PARD3: variants seen among roughly 807,000 people sequenced by gnomAD.
The protein encoded by PARD3 is partitioning defective 3 homolog.
PARD3 carries 75 observed loss-of-function variants against 155.4 expected under a neutral mutation model. That is an observed-to-expected ratio of 0.48 (90% CI 0.40 to 0.58). The LOEUF (loss-of-function observed/expected upper bound fraction) is 0.58. Among genes scored for constraint, PARD3 ranks in the 20% least tolerant of loss-of-function variants. PARD3 has a pLI of 0.00. For synonymous variants in PARD3, 576 were observed against 610.5 expected, an observed-to-expected ratio of 0.94 and a Z score of 0.83; for missense variants, 1,642 against 1,721.7, an observed-to-expected ratio of 0.95 and a Z score of 0.82.
chr10:34,430,087 T>C (rs1307733211), intron 5 of PARD3, among the ~76,000 whole-genome samples: 1 of 152,244 alleles, frequency 6.6e-6, no homozygotes, highest in Non-Finnish European at 1.5e-5. Context: ...TACTTCTTAG[T>C]AAGATATTAA....
At chr10:34,626,589 ATATAT>A (rs1354139463) in intron 2 of PARD3, among the ~76,000 whole-genome samples, 1 of 152,240 alleles carries the variant, frequency 6.6e-6, no homozygotes, top group Non-Finnish European at 1.5e-5. Flanking sequence ...CTCACAGGGC[ATATAT>A]TATATCTGTT....
intron 2 of PARD3, among the ~76,000 whole-genome samples, chr10:34,600,962 ATTTTTTTTTTTTT>A (rs1028271994): frequency 2.2e-5 from 2 of 90,066 alleles, no homozygotes; most frequent in Non-Finnish European, 4.1e-5. Flanking sequence ...CATTTTTTTA[ATTTTTTTTTTTTT>A]TTTTTTTTTT....
intron 24 of PARD3, among the ~76,000 whole-genome samples, chr10:34,114,012 T>C (rs1033876528): frequency 6.6e-6 from 1 of 152,140 alleles, no homozygotes; most frequent in Non-Finnish European, 1.5e-5. Context: ...ATCTCAGAAC[T>C]TTAGGAGGAT....
chr10:34,571,661 A>C (rs1418984312), intron 2 of PARD3, among the ~76,000 whole-genome samples: 1 of 152,254 alleles, frequency 6.6e-6, no homozygotes, highest in East Asian at 1.9e-4. Context: ...ATTATAAACC[A>C]AAGAACAGAT....
rs551189814 is a variant in PARD3 at position 34,765,048 on chromosome 10, A to G, written c.120+49828T>C. On this transcript the variant is annotated intron_variant, in intron 1 of 24. Coordinates refer to ENST00000374788, the MANE Select transcript of PARD3 (RefSeq NM_001184785.2). The stretch of plus-strand genomic sequence containing the variant: ...TATTTGCCAACTATTAGACTTTAGC[A>G]TCCTCCCTTCCTTTTGGTATACGAG... 5.9e-5 allele frequency among the ~76,000 whole-genome samples: 9 copies of G among 152,308 alleles called. No homozygotes were observed. In the South Asian group the frequency reaches 1.9e-3, roughly 32 times the overall value.
intron 10 of PARD3, among the ~76,000 whole-genome samples, chr10:34,376,495 G>A (rs991661774): frequency 3.3e-5 from 5 of 152,152 alleles, no homozygotes; most frequent in East Asian, 3.9e-4. Flanking sequence ...AACAAGCTAC[G>A]ACTGCAGACG....
Position 34,266,415 on chromosome 10 carries a change from A to T in PARD3, c.3419+3242T>A, listed in dbSNP as rs1461935910. On this transcript the variant is annotated intron_variant, in intron 22 of 24. Coordinates refer to ENST00000374788, the MANE Select transcript of PARD3 (RefSeq NM_001184785.2). ...CCAACTTTTTGGATTAGTAACATCA[A>T]TCTTTGTTTAATGGACATCTTATTC... Among the ~76,000 whole-genome samples, 3 of 152,324 alleles carry T rather than the reference A, an allele frequency of 2.0e-5. No individual in the cohort carries two copies. The East Asian group carries it at 5.8e-4, about 29-fold the overall frequency.
intron 2 of PARD3, among the ~76,000 whole-genome samples, chr10:34,606,520 G>C (rs1205366599): frequency 6.6e-6 from 1 of 151,722 alleles, no homozygotes; most frequent in Non-Finnish European, 1.5e-5. Context: ...TGGAGCATCA[G>C]CCTGGCATAG....
chr10:34,697,417 G>C (rs1205844759), intron 1 of PARD3, among the ~76,000 whole-genome samples: 1 of 152,174 alleles, frequency 6.6e-6, no homozygotes, highest in Non-Finnish European at 1.5e-5. Flanking sequence ...AATGATTAAT[G>C]AAGAGTTAAA....
intron 5 of PARD3, 43 bp downstream of exon 5, chr10:34,450,274 G>A (rs2076986394): frequency 1.9e-6 from 3 of 1,582,728 alleles, no homozygotes; most frequent in South Asian, 1.2e-5. Context: ...TATGGGACAG[G>A]ATGTTACAGC....
chr10:34,370,463 A>T (rs1840471717), intron 12 of PARD3, among the ~76,000 whole-genome samples: 1 of 152,164 alleles, frequency 6.6e-6, no homozygotes, highest in Non-Finnish European at 1.5e-5. Flanking sequence ...ACTTTTTGGT[A>T]GAGATGAGGT....
chr10:34,759,003 G>A (rs1382285432), intron 1 of PARD3, among the ~76,000 whole-genome samples: 1 of 151,894 alleles, frequency 6.6e-6, no homozygotes, highest in Non-Finnish European at 1.5e-5. Context: ...GAAAGAGGCG[G>A]AAGGAAAAAG....
intron 21 of PARD3, among the ~76,000 whole-genome samples, chr10:34,283,343 T>A (rs1473691139): frequency 6.6e-6 from 1 of 152,104 alleles, no homozygotes; most frequent in African/African-American, 2.4e-5. Flanking sequence ...ACCTCTTAGC[T>A]GTGGCTGCTC....
At chr10:34,257,633 T>C (rs1419242669) in intron 22 of PARD3, among the ~76,000 whole-genome samples, 1 of 152,196 alleles carries the variant, frequency 6.6e-6, no homozygotes, top group Non-Finnish European at 1.5e-5. Flanking sequence ...ATTATTTGCC[T>C]GCTAACGACC....
chr10:34,571,528 C>T (rs1463153929), intron 2 of PARD3, among the ~76,000 whole-genome samples: 1 of 152,106 alleles, frequency 6.6e-6, no homozygotes, highest in Non-Finnish European at 1.5e-5. Context: ...CATTGCAAAT[C>T]AGATACTATA....
At chr10:34,261,797 GAAAGAAAGAAAGA>G (rs1955016642) in intron 22 of PARD3, among the ~76,000 whole-genome samples, 1 of 57,372 alleles carries the variant, frequency 1.7e-5, no homozygotes, top group Admixed American at 2.0e-4. Context: ...AAGAAAGAAA[GAAAGAAAGAAAGA>G]AAGAAAGAAA....
At chr10:34,462,116 A>C (rs1044578254) in intron 4 of PARD3, among the ~76,000 whole-genome samples, 3 of 152,272 alleles carry the variant, frequency 2.0e-5, no homozygotes, top group Admixed American at 2.0e-4. Context: ...GGTAAAATTT[A>C]TAGTTATAGA....
chr10:34,227,883 T>TATATATATATATATATATATATATAC (rs1491222875), intron 22 of PARD3, among the ~76,000 whole-genome samples: 1 of 130,444 alleles, frequency 7.7e-6, no homozygotes, highest in African/African-American at 2.9e-5. Flanking sequence ...TATATATATA[T>TATATATATATATATATATATATATAC]ACTGGGAATA....
chr10:34,664,497 G>C (rs1160245777), intron 2 of PARD3, among the ~76,000 whole-genome samples: 1 of 151,006 alleles, frequency 6.6e-6, no homozygotes, highest in Non-Finnish European at 1.5e-5. Context: ...CACTGCACCT[G>C]GCCTTTTTTG....
Sources: gnomAD v4.1 joint callset for allele counts (sites outside exome capture counted in the v4.1 genomes callset) on GRCh38, gnomAD v4.1.1 for gene constraint, MANE v1.5 for transcripts, NCBI Gene and HGNC (gene_info 2026-07-23, HGNC 2026-07-21) for gene names.